The following CSMD1 variants were observed in gnomAD, a reference collection of about 807,000 sequenced individuals.
The protein encoded by CSMD1 is CUB and Sushi multiple domains 1, also known as CUB and sushi domain-containing protein 1.
CSMD1 carries 213 observed loss-of-function variants against 417.5 expected under a neutral mutation model. That is an observed-to-expected ratio of 0.51 (90% confidence interval 0.46 to 0.57). The LOEUF is 0.57. CSMD1 is among the 20% of genes least tolerant of loss of function. The probability of loss-of-function intolerance (pLI) is 0.00; values close to 1 mark genes in which losing one functional copy is unlikely to be tolerated. For synonymous variants in CSMD1, 2,862 were observed against 1,736.8 expected (o/e 1.65, Z -16.11); for missense variants, 6,923 against 4,529.7 (o/e 1.53, Z -15.17).
intron 3 of CSMD1, among the ~76,000 whole-genome samples, chr8:4,048,802 G>T (rs1032809759): frequency 6.6e-6 from 1 of 152,186 alleles, no homozygotes; most frequent in Non-Finnish European, 1.5e-5. Context: ...TACAGTATAT[G>T]TAGTCACAAG....
chr8:4,638,614 G>A lies in CSMD1; in HGVS notation c.86-1056C>T, dbSNP rs369863092. Among the ~76,000 whole-genome samples the A allele has an allele frequency of 7.2e-4, 109 of 152,266 alleles. No individual in the cohort carries two copies. In the South Asian group the frequency reaches 0.022, roughly 30 times the overall value. On this transcript the variant is annotated intron_variant, in intron 1 of 69. Transcript: ENST00000635120. The stretch of plus-strand genomic sequence containing the variant: ...AAATGAGGGGACCAAGTAAAGAAAA[G>A]GCTCAGAGTTCCAAAGAGCAGTAAG...
Position 3,091,560 on chromosome 8 carries a change from G to C in CSMD1, c.7241C>G (p.Thr2414Ser), listed in dbSNP as rs764284389. Residue 2414 changes from threonine (T) to serine (S), a missense_variant, in exon 48 of 70, where the codon ACT becomes AGT. Physicochemically the swap from Thr to Ser is moderately conservative, Grantham distance 58. Coordinates refer to ENST00000635120, the MANE Select transcript of CSMD1 (RefSeq NM_033225.6). ...RSNQLYLRWS[T>S]DHATSKKGFK... ...TCCTTTCTTACTGGTGGCATGGTCA[G>C]TGGACCAGCGGAGATATAACTGATT... The C allele has an allele frequency of 1.2e-6, 2 of 1,610,002 alleles. No individual in the cohort carries two copies. Among genetic ancestry groups the C allele is most frequent in the Non-Finnish European group, 1.7e-6 (2 of 1,179,036 alleles).
chr8:4,468,969 G>A (rs1433534068), intron 2 of CSMD1, among the ~76,000 whole-genome samples: 1 of 152,180 alleles, frequency 6.6e-6, no homozygotes, highest in South Asian at 2.1e-4. Flanking sequence ...AGAGCATGAT[G>A]TGAGATGGGT....
At chr8:3,753,749 A>AT (rs754812164) in intron 6 of CSMD1, among the ~76,000 whole-genome samples, 181 bp downstream of exon 6, 22 of 152,244 alleles carry the variant, frequency 1.4e-4, no homozygotes, top group Non-Finnish European at 1.9e-4. Flanking sequence ...TGTGATAGTG[A>AT]TATAGCTTTA....
rs145517683 is a variant in CSMD1 at position 3,464,633 on chromosome 8, G to A, written c.1561+4079C>T. Among the ~76,000 whole-genome samples, 8 of 149,718 alleles carry A rather than the reference G, an allele frequency of 5.3e-5. No homozygotes were observed. In the East Asian group the frequency reaches 1.4e-3, roughly 26 times the overall value. ...TAAATTATACAATTATATATAGGTAGAATCTATATATATAGCAAATTTATA... is the reference window on the plus strand; with the variant it reads ...TAAATTATACAATTATATATAGGTAAAATCTATATATATAGCAAATTTATA... On this transcript the variant is annotated intron_variant, in intron 12 of 69. Transcript: ENST00000635120.
chr8:4,200,824 C>T (rs147655844), intron 3 of CSMD1, among the ~76,000 whole-genome samples: 26 of 152,326 alleles, frequency 1.7e-4, no homozygotes, highest in Admixed American at 1.5e-3. Context: ...GGCCACTGCA[C>T]TCTCGCCTGA....
intron 3 of CSMD1, among the ~76,000 whole-genome samples, chr8:4,095,455 A>G (rs1800957817): frequency 6.6e-6 from 1 of 152,174 alleles, no homozygotes; most frequent in South Asian, 2.1e-4. Context: ...TTGCAATTTG[A>G]GCATTTTGTA....
At chr8:3,830,767 A>G (rs1014142850) in intron 5 of CSMD1, among the ~76,000 whole-genome samples, 7 of 152,210 alleles carry the variant, frequency 4.6e-5, no homozygotes, top group Admixed American at 1.3e-4. Context: ...CTTAATCTCA[A>G]GATGAATGGA....
chr8:4,576,238 G>C (rs1342042582), intron 2 of CSMD1, among the ~76,000 whole-genome samples: 1 of 152,160 alleles, frequency 6.6e-6, no homozygotes, highest in Non-Finnish European at 1.5e-5. Context: ...TGAATTCCAG[G>C]CACCCTTCTA....
intron 10 of CSMD1, among the ~76,000 whole-genome samples, chr8:3,554,977 T>C (rs752327587): frequency 5.3e-5 from 8 of 151,938 alleles, no homozygotes; most frequent in Admixed American, 2.0e-4. Flanking sequence ...CCTGGGCTCT[T>C]GTCAGAAGCA....
intron 1 of CSMD1, among the ~76,000 whole-genome samples, chr8:4,721,328 G>C (rs1411607490): frequency 6.6e-6 from 1 of 152,156 alleles, no homozygotes; most frequent in Non-Finnish European, 1.5e-5. Flanking sequence ...GGTTTGATGA[G>C]TAGAACAATC....
At chr8:4,667,295 C>A (rs2130936551) in intron 1 of CSMD1, among the ~76,000 whole-genome samples, 1 of 151,980 alleles carries the variant, frequency 6.6e-6, no homozygotes. Context: ...GTTAGTGATC[C>A]AATTTAGTGC....
intron 2 of CSMD1, among the ~76,000 whole-genome samples, chr8:4,453,353 C>G (rs532244749): frequency 1.3e-5 from 2 of 152,294 alleles, no homozygotes; most frequent in Admixed American, 6.5e-5. Flanking sequence ...CTGCCCCAGT[C>G]TGCTGGGATT....
At chr8:4,418,038 G>C (rs941986542) in intron 3 of CSMD1, among the ~76,000 whole-genome samples, 3 of 151,740 alleles carry the variant, frequency 2.0e-5, no homozygotes, top group African/African-American at 7.3e-5. Flanking sequence ...TTTTGCAGGA[G>C]ACCTGGAAGC....
At chr8:4,949,485 T>A (rs1808591279) in intron 1 of CSMD1, among the ~76,000 whole-genome samples, 1 of 152,188 alleles carries the variant, frequency 6.6e-6, no homozygotes, top group African/African-American at 2.4e-5. Context: ...AATTTAGTAG[T>A]TCTCAACCAG....
intron 1 of CSMD1, among the ~76,000 whole-genome samples, chr8:4,851,773 G>A (rs903972512): frequency 3.9e-5 from 6 of 152,114 alleles, no homozygotes; most frequent in South Asian, 2.1e-4. Flanking sequence ...TGAGATGAAC[G>A]TACTTTTAAG....
chr8:3,961,213 G>A (rs1468895848), intron 5 of CSMD1, among the ~76,000 whole-genome samples: 3 of 152,068 alleles, frequency 2.0e-5, no homozygotes, highest in Admixed American at 6.5e-5. Flanking sequence ...TCTCAATTAA[G>A]GAGATTTTCT....
At chr8:4,661,654 A>C (rs1804614572) in intron 1 of CSMD1, among the ~76,000 whole-genome samples, 1 of 152,212 alleles carries the variant, frequency 6.6e-6, no homozygotes, top group African/African-American at 2.4e-5. Context: ...CAATAGATAC[A>C]AGATATCTCT....
chr8:3,986,583 ATTAT>A (rs753305750), intron 5 of CSMD1, among the ~76,000 whole-genome samples: 76 of 152,054 alleles, frequency 5.0e-4, no homozygotes, highest in African/African-American at 1.6e-3. Flanking sequence ...CAACTTTCTA[ATTAT>A]TTATTTTTTC....
Sources: allele counts gnomAD v4.1 joint callset (sites outside exome capture counted in the v4.1 genomes callset), GRCh38; gene constraint gnomAD v4.1.1; transcripts MANE v1.5; gene names NCBI Gene and HGNC (gene_info 2026-07-23, HGNC 2026-07-21).